Variants in HMSD observed in about 807,000 individuals in gnomAD.
HMSD encodes histocompatibility minor serpin domain containing, also known as serpin-like protein HMSD.
In HMSD, 13 loss-of-function variants were observed where a neutral mutation model predicts 10.0. That is an observed-to-expected ratio of 1.31 (90% CI 0.85 to 2.08). The LOEUF is 2.08. HMSD is among the 30% of genes most tolerant of loss of function. The probability of loss-of-function intolerance (pLI) is 0.00; values close to 1 mark genes in which losing one functional copy is unlikely to be tolerated. For missense variants in HMSD, 169 were observed against 166.3 expected, an observed-to-expected ratio of 1.02 and a Z score of -0.09; for synonymous variants, 51 against 54.2, an observed-to-expected ratio of 0.94 and a Z score of 0.26.
intron 3 of HMSD, chr18:63,968,074 C>T (rs2050418133): frequency 6.6e-6 from 1 of 152,182 alleles, no homozygotes; most frequent in Non-Finnish European, 1.5e-5. Flanking sequence ...ATTCTTCCTG[C>T]TCCCTCTTCC....
rs2050387400 is a variant in HMSD at position 63,961,666 on chromosome 18, A to G, written c.*1311A>G. The G allele has an allele frequency of 6.6e-6, 1 of 152,358 alleles. No individual in the cohort carries two copies. Among genetic ancestry groups the G allele is most frequent in the African/African-American group, 2.4e-5 (1 of 41,460 alleles). 9.4% of individuals were successfully genotyped at this position (152,358 alleles called of 1,614,324 possible). On this transcript the variant is annotated 3_prime_UTR_variant, in exon 4 of 4. Coordinates refer to ENST00000408945, the MANE Select transcript of HMSD (RefSeq NM_001123366.2). ...AAAATTATTCAAACAAGCCTGTCACATCTGGAGGAGCCAGGAATCGCCTCT... is the reference window on the plus strand; with the variant it reads ...AAAATTATTCAAACAAGCCTGTCACGTCTGGAGGAGCCAGGAATCGCCTCT...
Position 63,967,899 on chromosome 18 carries a change from C to T in HMSD, n.312+7624C>T, listed in dbSNP as rs185397761. 2.0e-3 allele frequency: 300 copies of T among 152,268 alleles called. 1 individual carries two copies. Among genetic ancestry groups the T allele is most frequent in the African/African-American group, 6.8e-3 (284 of 41,548 alleles). The allele number at this position is 152,268 out of a possible 1,614,324, so 9.4% of individuals were successfully genotyped here. A position where few individuals can be genotyped will look rare whatever the true frequency, so the allele number is the denominator to read the frequency against. On this transcript the variant is annotated intron_variant and non_coding_transcript_variant, in intron 3 of 5. Coordinates refer to the HMSD transcript ENST00000481726. ...TAGTTATTCTGAGAGATGGGTTTCC[C>T]TTCAGGGCCCAGCATTTAAATTGTC...
chr18:63,958,718 A>G (rs1250719161), intron 3 of HMSD, among the ~76,000 whole-genome samples: 1 of 152,116 alleles, frequency 6.6e-6, no homozygotes, highest in African/African-American at 2.4e-5. Context: ...CCTCAGTCCA[A>G]CTAGCTATTA....
intron 3 of HMSD, among the ~76,000 whole-genome samples, chr18:63,956,130 C>G (rs2050356907): frequency 6.6e-6 from 1 of 152,112 alleles, no homozygotes; most frequent in Non-Finnish European, 1.5e-5. Context: ...TCTACGCCCT[C>G]CTAGGAAATA....
Position 63,953,488 on chromosome 18 carries a change from C to T in HMSD, c.33C>T (p.Phe11=). 1 of 1,613,916 alleles carries T rather than the reference C, an allele frequency of 6.2e-7. No individual in the cohort carries two copies. Among genetic ancestry groups the T allele is most frequent in the Non-Finnish European group, 8.5e-7 (1 of 1,179,868 alleles). ...TATCATCAGCCTTGGCCATGGTTTT[C>T]ATGGGGGCAAAGGGAAACACTGCAG... MSISSALAMV[F]MGAKGNTAAQ... The change falls in exon 2 of 4, where the codon TTC becomes TTT. Residue 11 remains phenylalanine, a synonymous_variant. Transcript: ENST00000408945.
rs1353964324 is a variant in HMSD, at chr18:63,953,450, T to C, written c.-6T>C. On this transcript the variant is annotated 5_prime_UTR_variant, in exon 2 of 4. Transcript: ENST00000408945. ...AAAACAACTCAAACAACTTATTTTT[T>C]TCCCCATGAGCATATCATCAGCCTT... 6.2e-7 allele frequency: 1 copy of C among 1,613,178 alleles called. No homozygotes were observed. Among genetic ancestry groups the C allele is most frequent in the Non-Finnish European group, 8.5e-7 (1 of 1,179,326 alleles).
chr18:63,964,187 G>C (rs2050401345), downstream of HMSD, among the ~76,000 whole-genome samples: 1 of 152,108 alleles, frequency 6.6e-6, no homozygotes, highest in Non-Finnish European at 1.5e-5. Context: ...TATCAGCCTT[G>C]GGACATTCAG....
intron 3 of HMSD, 55 bp downstream of exon 3, chr18:63,954,612 G>C: frequency 6.7e-7 from 1 of 1,492,064 alleles, no homozygotes. Flanking sequence ...TGGGAAGTAG[G>C]AGAATGAATA....
At chr18:63,954,210 T>C (rs1314335973) in intron 2 of HMSD, among the ~76,000 whole-genome samples, 198 bp from the exon 3 acceptor site, 2 of 152,188 alleles carry the variant, frequency 1.3e-5, no homozygotes, top group African/African-American at 4.8e-5. Flanking sequence ...AGGATGTGCT[T>C]ATAGGGAGGC....
chr18:63,957,909 G>C (rs138126816), intron 3 of HMSD, among the ~76,000 whole-genome samples: 209 of 152,156 alleles, frequency 1.4e-3, no homozygotes, highest in African/African-American at 4.2e-3. Flanking sequence ...CTTTTTGTTT[G>C]ATTTGCCACA....
downstream of HMSD, among the ~76,000 whole-genome samples, chr18:63,963,677 G>A (rs1481046527): frequency 1.3e-5 from 2 of 152,182 alleles, no homozygotes; most frequent in African/African-American, 2.4e-5. Context: ...TTAATGACAG[G>A]CTTGCCTGAG....
chr18:63,962,611 A>G (rs1166452544), downstream of HMSD, among the ~76,000 whole-genome samples: 3 of 152,168 alleles, frequency 2.0e-5, no homozygotes, highest in South Asian at 2.1e-4. Context: ...GGAGTCCTGA[A>G]TGGAGGTCCT....
intron 1 of HMSD, among the ~76,000 whole-genome samples, chr18:63,950,415 CAAAAAA>C (rs562421091): frequency 3.3e-3 from 130 of 39,056 alleles, no homozygotes; most frequent in Non-Finnish European, 4.7e-3. Flanking sequence ...GACTCTCTCT[CAAAAAA>C]AAAAAAAAAA....
At chr18:63,956,364 AAACTT>A (rs1568259189) in intron 3 of HMSD, among the ~76,000 whole-genome samples, 2 of 92,506 alleles carry the variant, frequency 2.2e-5, no homozygotes, top group African/African-American at 6.6e-5. Context: ...AAAAAAAAAC[AAACTT>A]AAATTTACAA....
intron 1 of HMSD, among the ~76,000 whole-genome samples, chr18:63,952,316 T>A (rs1471781513): frequency 6.6e-6 from 1 of 151,916 alleles, no homozygotes; most frequent in African/African-American, 2.4e-5. Flanking sequence ...CCTAGTGTTA[T>A]CTCACTTTTC....
In HMSD at chr18:63,957,298, G is replaced by A. The variant is rs777160628; in HGVS notation, c.222+2741G>A. Among the ~76,000 whole-genome samples, 7 of 132,808 alleles carry A rather than the reference G, an allele frequency of 5.3e-5. No homozygotes were observed. The South Asian group carries it at 1.4e-3, about 26-fold the overall frequency. The allele number at this position is 132,808 out of a possible 152,430, so 87.1% of individuals were successfully genotyped here. A position where few individuals can be genotyped will look rare whatever the true frequency, so the allele number is the denominator to read the frequency against. The stretch of plus-strand genomic sequence containing the variant: ...ATAGGGAAGGGTTAATACAAAACAA[G>A]AGAAGCAACAAAAAAAAAAAATAAA... On this transcript the variant is annotated intron_variant, in intron 3 of 3. Coordinates refer to ENST00000408945, the MANE Select transcript of HMSD (RefSeq NM_001123366.2).
At chr18:63,954,109 A>G (rs553497213) in intron 2 of HMSD, among the ~76,000 whole-genome samples, 2 of 152,248 alleles carry the variant, frequency 1.3e-5, no homozygotes, top group South Asian at 2.1e-4. Flanking sequence ...ACCAAGTATC[A>G]TAAATAGCAC....
chr18:63,950,279 C>T (rs543208537), intron 1 of HMSD, among the ~76,000 whole-genome samples: 3 of 151,464 alleles, frequency 2.0e-5, no homozygotes, highest in South Asian at 2.1e-4. Context: ...AGCCGGGTGT[C>T]GTGACATGGG....
chr18:63,960,462 A>G lies in HMSD; in HGVS notation c.*107A>G, dbSNP rs949282120. On this transcript the variant is annotated 3_prime_UTR_variant, in exon 4 of 4. Transcript: ENST00000408945. The stretch of plus-strand genomic sequence containing the variant: ...TCTAGCTTTAGCTTTTCCCTTATCA[A>G]GTATCTGTGATGTCTCTCTAGATGA... 44 of 1,421,168 alleles carry G rather than the reference A, an allele frequency of 3.1e-5. No homozygotes were observed. The highest frequency in any genetic ancestry group is 3.9e-5 in the Non-Finnish European group (42 of 1,081,034). 88.0% of individuals were successfully genotyped at this position (1,421,168 alleles called of 1,614,324 possible).
Sources: allele counts gnomAD v4.1 joint callset (sites outside exome capture counted in the v4.1 genomes callset), GRCh38; gene constraint gnomAD v4.1.1; transcripts MANE v1.5; gene names NCBI Gene and HGNC (gene_info 2026-07-23, HGNC 2026-07-21).